Variants in ESRRG observed in about 807,000 individuals in gnomAD.
ESRRG encodes estrogen related receptor gamma.
In ESRRG, 13 loss-of-function variants were observed where a neutral mutation model predicts 44.0. The ratio of observed to expected loss-of-function variants is 0.30; its 90% CI spans 0.19 to 0.47. The LOEUF is 0.47. Among genes scored for constraint, ESRRG ranks in the 20% least tolerant of loss-of-function variants. ESRRG has a pLI of 1.00. For missense variants in ESRRG, 395 were observed against 580.6 expected (o/e 0.68, Z 3.29); for synonymous variants, 215 against 214.6 (o/e 1.00, Z -0.02).
At chr1:216,620,337 C>T (rs1272319577) in intron 3 of ESRRG, among the ~76,000 whole-genome samples, 2 of 152,062 alleles carry the variant, frequency 1.3e-5, no homozygotes, top group African/African-American at 2.4e-5. Context: ...AATTGTAAAC[C>T]ATCAGTATTA....
rs145135558 is a variant in ESRRG at position 216,909,455 on chromosome 1, T to A, written c.-14+30127A>T. On this transcript the variant is annotated intron_variant, in intron 2 of 7. Transcript: ENST00000359162. ...TGACATCATAAGGTACACTAAACACTCCTTGAGGATAAAAGCCTTATCTAA... is the reference window on the plus strand; with the variant it reads ...TGACATCATAAGGTACACTAAACACACCTTGAGGATAAAAGCCTTATCTAA... Among the ~76,000 whole-genome samples, 18 of 152,278 alleles carry A rather than the reference T, an allele frequency of 1.2e-4. No individual in the cohort carries two copies. The East Asian group carries it at 3.5e-3, about 29-fold the overall frequency.
intron 1 of ESRRG, among the ~76,000 whole-genome samples, chr1:217,131,716 T>C (rs945494288): frequency 1.3e-5 from 2 of 152,244 alleles, no homozygotes; most frequent in Non-Finnish European, 2.9e-5. Context: ...AACATATGGC[T>C]AATACATAAT....
chr1:216,519,378 C>G lies in ESRRG; in HGVS notation c.906G>C (p.Gln302His), dbSNP rs760619098. ...GGATCAAAATTTCCATCCAAGCACT[C>G]TGCAGAAGGCTCATCTGGTCCGCCA... ...LSLADQMSLL[Q>H]SAWMEILILG... The change falls in exon 6 of 7, where the codon CAG becomes CAC. Residue 302 changes from glutamine to histidine, a missense_variant. Gln to His is a conservative substitution (Grantham distance 24). Around this residue, in one of 5 missense-constraint regions of ESRRG, gnomAD observed 167 missense variants for 251.8 expected, o/e 0.66. Transcript: ENST00000408911. 1 of 1,613,464 alleles carries G rather than the reference C, an allele frequency of 6.2e-7. No individual in the cohort carries two copies. Among genetic ancestry groups the G allele is most frequent in the Non-Finnish European group, 8.5e-7 (1 of 1,179,834 alleles).
At chr1:217,085,708 C>T (rs762193285) in intron 1 of ESRRG, among the ~76,000 whole-genome samples, 1 of 151,778 alleles carries the variant, frequency 6.6e-6, no homozygotes, top group Non-Finnish European at 1.5e-5. Flanking sequence ...CCAGGATGGT[C>T]TCAATCTCCT....
At chr1:216,777,205 T>C (rs916415264) in intron 2 of ESRRG, among the ~76,000 whole-genome samples, 8 of 152,032 alleles carry the variant, frequency 5.3e-5, no homozygotes, top group Admixed American at 3.3e-4. Context: ...CTGTATATTA[T>C]GGGGTAACAA....
chr1:216,677,038 T>C lies in ESRRG; in HGVS notation c.472+38A>G, dbSNP rs367873905. On this transcript the variant is annotated intron_variant, in intron 2 of 6. Coordinates refer to ENST00000408911, the MANE Select transcript of ESRRG (RefSeq NM_001438.4). Reference sequence around the variant, plus strand: ...AAAAACAAAAACCCATCATGTGAGGTTGGAAGTGGGGAGAGTATTCCCAGG... The same window carrying C: ...AAAAACAAAAACCCATCATGTGAGGCTGGAAGTGGGGAGAGTATTCCCAGG... 39 of 1,524,436 alleles carry C rather than the reference T, an allele frequency of 2.6e-5. 1 individual carries two copies. The highest frequency in any genetic ancestry group is 1.8e-4 in the Middle Eastern group (1 of 5,682). 94.4% of individuals were successfully genotyped at this position (1,524,436 alleles called of 1,614,324 possible).
chr1:216,802,869 G>A (rs1049368487), intron 2 of ESRRG, among the ~76,000 whole-genome samples: 1 of 152,116 alleles, frequency 6.6e-6, no homozygotes, highest in African/African-American at 2.4e-5. Flanking sequence ...CCAAAGTTAA[G>A]AGAGGAAAAG....
chr1:216,565,961 C>T (rs560186958), intron 4 of ESRRG, among the ~76,000 whole-genome samples: 105 of 138,896 alleles, frequency 7.6e-4, no homozygotes, highest in Non-Finnish European at 1.3e-3. Context: ...AAAATATATC[C>T]GAAAGTAATC....
intron 2 of ESRRG, among the ~76,000 whole-genome samples, chr1:216,921,318 C>T (rs554004158): frequency 6.6e-6 from 1 of 152,086 alleles, no homozygotes; most frequent in African/African-American, 2.4e-5. Flanking sequence ...ACTCTGCGCT[C>T]CCTCTGTGTT....
At chr1:217,104,295 G>A (rs2092560199) in intron 1 of ESRRG, among the ~76,000 whole-genome samples, 1 of 152,178 alleles carries the variant, frequency 6.6e-6, no homozygotes, top group South Asian at 2.1e-4. Flanking sequence ...GTTCTTAATT[G>A]TGGAAGATGC....
At chr1:216,654,166 T>C (rs1056366382) in intron 2 of ESRRG, among the ~76,000 whole-genome samples, 13 of 150,552 alleles carry the variant, frequency 8.6e-5, no homozygotes, top group Non-Finnish European at 1.3e-4. Flanking sequence ...AATATATAAG[T>C]AAAAGAATAT....
At chr1:216,748,498 A>C (rs2091667584) in intron 2 of ESRRG, among the ~76,000 whole-genome samples, 1 of 152,164 alleles carries the variant, frequency 6.6e-6, no homozygotes, top group South Asian at 2.1e-4. Flanking sequence ...ATATTAATAG[A>C]ACTATTTATA....
chr1:216,759,616 G>A (rs1379490852), intron 2 of ESRRG, among the ~76,000 whole-genome samples: 1 of 152,104 alleles, frequency 6.6e-6, no homozygotes, highest in African/African-American at 2.4e-5. Context: ...ATAGTATTGA[G>A]TAGCCACTCA....
At chr1:216,894,386 A>G (rs1226927676) in intron 2 of ESRRG, among the ~76,000 whole-genome samples, 2 of 152,220 alleles carry the variant, frequency 1.3e-5, no homozygotes, top group Non-Finnish European at 2.9e-5. Flanking sequence ...ATTCTGAAAG[A>G]GTCAGAATCA....
intron 2 of ESRRG, among the ~76,000 whole-genome samples, chr1:216,850,684 G>T (rs193296168): frequency 6.6e-6 from 1 of 152,058 alleles, no homozygotes; most frequent in African/African-American, 2.4e-5. Flanking sequence ...AATATGAAAA[G>T]ATATATATCA....
chr1:216,646,212 T>G (rs1408990504), intron 3 of ESRRG, among the ~76,000 whole-genome samples: 1 of 152,154 alleles, frequency 6.6e-6, no homozygotes, highest in South Asian at 2.1e-4. Flanking sequence ...TATTAAAGAC[T>G]AAATTTCCTC....
chr1:217,049,205 C>A (rs1479494236), intron 1 of ESRRG, among the ~76,000 whole-genome samples: 1 of 152,158 alleles, frequency 6.6e-6, no homozygotes, highest in Non-Finnish European at 1.5e-5. Flanking sequence ...CCTTTCCTGA[C>A]CAGGATTTTC....
intron 2 of ESRRG, among the ~76,000 whole-genome samples, chr1:216,852,322 G>C (rs1456311332): frequency 6.6e-6 from 1 of 152,146 alleles, no homozygotes; most frequent in Admixed American, 6.6e-5. Context: ...AGTTAATCAA[G>C]ATGGTGAACA....
At chr1:216,519,066 T>C in intron 6 of ESRRG, 86 bp downstream of exon 6, 1 of 1,222,478 alleles carries the variant, frequency 8.2e-7, no homozygotes, top group East Asian at 2.4e-5. Flanking sequence ...ACAAACCAGG[T>C]CTAGCAAATC....
Sources: gnomAD v4.1 joint callset for allele counts (sites outside exome capture counted in the v4.1 genomes callset) on GRCh38, gnomAD v4.1.1 for gene constraint, gnomAD v4.1.1 regional missense constraint, MANE v1.5 for transcripts, NCBI Gene and HGNC (gene_info 2026-07-23, HGNC 2026-07-21) for gene names.